The following INPP5K variants were observed in gnomAD, a reference collection of about 807,000 sequenced individuals.
The protein encoded by INPP5K is inositol polyphosphate-5-phosphatase K, also known as inositol polyphosphate 5-phosphatase K.
INPP5K carries 35 observed loss-of-function variants against 53.5 expected under a neutral mutation model. That is an observed-to-expected ratio of 0.65 (90% CI 0.50 to 0.87). The LOEUF (loss-of-function observed/expected upper bound fraction) is 0.87. Among genes scored for constraint, INPP5K ranks in the 40% least tolerant of loss-of-function variants. The pLI is 0.00. For missense variants in INPP5K, 550 were observed against 586.2 expected, an observed-to-expected ratio of 0.94 and a Z score of 0.64; for synonymous variants, 253 against 232.8, an observed-to-expected ratio of 1.09 and a Z score of -0.79.
At chr17:1,514,869 T>C (rs953362260) in intron 1 of INPP5K, among the ~76,000 whole-genome samples, 5 of 151,306 alleles carry the variant, frequency 3.3e-5, no homozygotes, top group African/African-American at 1.2e-4. Context: ...AGCAGATCCC[T>C]GGAGCAAGCC....
At chr17:1,502,124 C>A (rs564644852) in intron 7 of INPP5K, among the ~76,000 whole-genome samples, 6 of 151,834 alleles carry the variant, frequency 4.0e-5, no homozygotes, top group Non-Finnish European at 8.8e-5. Context: ...CCAAGGCGGG[C>A]AGATCATGAG....
Position 1,507,003 on chromosome 17 carries a change from C to T in INPP5K, c.753G>A (p.Arg251=), listed in dbSNP as rs1188684433. ...ACCTGGTGTCATAGTCGTTGGAGTT[C>T]CTATCAAACTTGTAGGTGGGCGGGA... is the stretch of plus-strand genomic sequence containing the variant. ...LLFPPTYKFD[R]NSNDYDTSEK... Residue 251 remains arginine (R), a synonymous_variant, in exon 7 of 12, where the codon AGG becomes AGA. Transcript: ENST00000421807. 2 of 1,613,770 alleles carry T rather than the reference C, an allele frequency of 1.2e-6. No homozygotes were observed. Among genetic ancestry groups the T allele is most frequent in the Non-Finnish European group, 1.7e-6 (2 of 1,179,772 alleles).
intron 5 of INPP5K, 89 bp from the exon 6 acceptor site, chr17:1,508,315 G>T (rs1567559586): frequency 8.2e-6 from 8 of 980,682 alleles, no homozygotes; most frequent in Non-Finnish European, 9.9e-6. Flanking sequence ...CAACCCAAGG[G>T]CTGCTGGGGC....
chr17:1,497,768 CGGCTCCTA>C (rs1219477071), intron 8 of INPP5K, 160 bp downstream of exon 8: 4 of 618,062 alleles, frequency 6.5e-6, no homozygotes, highest in Non-Finnish European at 1.1e-5. Flanking sequence ...GAGCCATCAA[CGGCTCCTA>C]AGAGGAGCTG....
In INPP5K at chr17:1,516,130, T is replaced by C. The variant is rs1259540821; in HGVS notation, c.44+326A>G. Reference sequence around the variant, plus strand: ...TCCTGATGTATGTGCTGATGAAAAGTAGGAAAAAGATTTCTAACCGAGAGC... The same window carrying C: ...TCCTGATGTATGTGCTGATGAAAAGCAGGAAAAAGATTTCTAACCGAGAGC... On this transcript the variant is annotated intron_variant, in intron 1 of 11. Coordinates refer to ENST00000421807, the MANE Select transcript of INPP5K (RefSeq NM_016532.4). 2.4e-6 allele frequency: 3 copies of C among 1,269,560 alleles called. No homozygotes were observed. In the African/African-American group the frequency reaches 4.7e-5, roughly 20 times the overall value. 78.6% of individuals were successfully genotyped at this position (1,269,560 alleles called of 1,614,324 possible).
intron 6 of INPP5K, 143 bp from the exon 7 acceptor site, chr17:1,507,232 G>C (rs1247060743): frequency 9.6e-6 from 6 of 625,166 alleles, no homozygotes; most frequent in African/African-American, 1.8e-5. Flanking sequence ...CTGCCCCAGT[G>C]ACTACTCAGC....
Position 1,494,669 on chromosome 17 carries a change from C to T in INPP5K, c.*1154G>A, listed in dbSNP as rs2074779797. 6.6e-6 allele frequency: 1 copy of T among 152,378 alleles called. No individual in the cohort carries two copies. Among genetic ancestry groups the T allele is most frequent in the African/African-American group, 2.4e-5 (1 of 41,460 alleles). 9.4% of individuals were successfully genotyped at this position (152,378 alleles called of 1,614,324 possible). A position where few individuals can be genotyped will look rare whatever the true frequency, so the allele number is the denominator to read the frequency against. The stretch of plus-strand genomic sequence containing the variant: ...GGAAGCCAGGGGACAATTCTTCATA[C>T]ACAGGCTTGCGGGGGAGAGTATGCA... On this transcript the variant is annotated 3_prime_UTR_variant, in exon 12 of 12. Transcript: ENST00000421807.
intron 7 of INPP5K, among the ~76,000 whole-genome samples, chr17:1,503,253 G>A (rs994076375): frequency 2.0e-5 from 3 of 148,406 alleles, no homozygotes; most frequent in Admixed American, 6.7e-5. Context: ...GCGTGATCTC[G>A]GCTCACTGCA....
intron 7 of INPP5K, among the ~76,000 whole-genome samples, chr17:1,506,428 C>T (rs901724656): frequency 1.3e-5 from 2 of 152,180 alleles, no homozygotes; most frequent in African/African-American, 4.8e-5. Context: ...CTCATCCACA[C>T]CTTATAGCTG....
intron 2 of INPP5K, 151 bp downstream of exon 2, chr17:1,513,721 G>T: frequency 1.2e-6 from 1 of 859,164 alleles, no homozygotes; most frequent in Non-Finnish European, 1.9e-6. Context: ...TGCCGTTGCT[G>T]ACCCGGGACC....
intron 5 of INPP5K, chr17:1,508,945 GT>G: frequency 2.3e-6 from 1 of 439,194 alleles, no homozygotes; most frequent in African/African-American, 2.9e-5. Flanking sequence ...AGGCTCACTC[GT>G]GGGGGTCAGC....
At position 1,502,347 on chromosome 17, in the gene INPP5K, TCAAA is replaced by T. The variant is rs369537528; in HGVS notation, c.777-4229_777-4226del. On this transcript the variant is annotated intron_variant, in intron 7 of 11. Coordinates refer to ENST00000421807, the MANE Select transcript of INPP5K (RefSeq NM_016532.4). ...CTGGGCGACAGAGCGAGACTCCGTC[TCAAA>T]CAAACAAACAAACAAACTTGGTAAT... Among the ~76,000 whole-genome samples, 136 of 152,248 alleles carry T rather than the reference TCAAA, an allele frequency of 8.9e-4. No homozygotes were observed. The East Asian group carries it at 0.015, about 17-fold the overall frequency.
intron 3 of INPP5K, among the ~76,000 whole-genome samples, chr17:1,511,946 C>A (rs35845006): frequency 6.6e-6 from 1 of 152,006 alleles, no homozygotes; most frequent in Non-Finnish European, 1.5e-5. Flanking sequence ...CAGGAGAGTT[C>A]TAGGGAAAGT....
At chr17:1,503,828 C>T (rs1293098123) in intron 7 of INPP5K, among the ~76,000 whole-genome samples, 4 of 152,204 alleles carry the variant, frequency 2.6e-5, no homozygotes, top group Admixed American at 6.5e-5. Flanking sequence ...CTTTTGCCCT[C>T]CCTATAAGGG....
rs1477752738 is a variant in INPP5K, at chr17:1,496,335, C to T, written c.1169G>A (p.Ser390Asn). 1 of 1,562,192 alleles carries T rather than the reference C, an allele frequency of 6.4e-7. No individual in the cohort carries two copies. Among genetic ancestry groups the T allele is most frequent in the Non-Finnish European group, 8.7e-7 (1 of 1,152,564 alleles). Reference protein sequence around the residue: ...AWVGDSKVSCSDNLNQVYIDI... With the variant: ...AWVGDSKVSCNDNLNQVYIDI... ...GTGACGTACCTGGTTCAGGTTGTCG[C>T]TGCAGGAGACCTTGCTGTCCCCGAC... Residue 390 changes from serine to asparagine, a missense_variant, in exon 10 of 12, where the codon AGC becomes AAC. By Grantham distance (46) the Ser-to-Asn change is conservative. Transcript: ENST00000421807.
At chr17:1,502,252 G>A (rs139036689) in intron 7 of INPP5K, among the ~76,000 whole-genome samples, 14,630 of 152,210 alleles carry the variant, frequency 0.096, 844 homozygotes, top group East Asian at 0.14. Context: ...AGGAGGCTGA[G>A]GCAAGAGAAT....
chr17:1,506,816 C>T (rs952203887), intron 7 of INPP5K, among the ~76,000 whole-genome samples, 164 bp downstream of exon 7: 5 of 152,104 alleles, frequency 3.3e-5, no homozygotes, highest in Admixed American at 2.0e-4. Flanking sequence ...GACGGCTCCC[C>T]GAGTCAGCGC....
At chr17:1,503,880 G>A (rs80111666) in intron 7 of INPP5K, among the ~76,000 whole-genome samples, 7,585 of 152,192 alleles carry the variant, frequency 0.05, 233 homozygotes, top group Non-Finnish European at 0.073. Flanking sequence ...CAGGGACACC[G>A]TAGTGGCTGG....
At chr17:1,496,429 G>T in intron 9 of INPP5K, 27 bp from the exon 10 acceptor site, 1 of 1,535,416 alleles carries the variant, frequency 6.5e-7, no homozygotes, top group South Asian at 1.2e-5. Context: ...GGCCATCAGT[G>T]GTCAGGGAGG....
Sources: allele counts gnomAD v4.1 joint callset (sites outside exome capture counted in the v4.1 genomes callset), GRCh38; gene constraint gnomAD v4.1.1; transcripts MANE v1.5; gene names NCBI Gene and HGNC (gene_info 2026-07-23, HGNC 2026-07-21).